Variants in SND1 observed in about 807,000 individuals in gnomAD.
The protein encoded by SND1 is staphylococcal nuclease and tudor domain containing 1, also known as staphylococcal nuclease domain-containing protein 1.
A neutral mutation model predicts 121.7 loss-of-function variants in SND1; 38 were observed. The ratio of observed to expected loss-of-function variants is 0.31; its 90% CI spans 0.24 to 0.41. The LOEUF (loss-of-function observed/expected upper bound fraction) is 0.41, where lower values mean the gene tolerates loss of function less well. Ranked by LOEUF, SND1 falls within the 10% of genes least tolerant of loss-of-function variation. The pLI is 1.00. For missense variants in SND1, 868 were observed against 1,184.6 expected (o/e 0.73, Z 3.92); for synonymous variants, 401 against 447.4 (o/e 0.90, Z 1.31).
chr7:127,776,328 GATAA>G, intron 10 of SND1, among the ~76,000 whole-genome samples: 1 of 152,224 alleles, frequency 6.6e-6, no homozygotes, highest in East Asian at 1.9e-4. Flanking sequence ...GCATTAAACA[GATAA>G]ATAAATGAGG....
intron 10 of SND1, among the ~76,000 whole-genome samples, chr7:127,784,596 T>G (rs1364890801): frequency 6.6e-6 from 1 of 152,190 alleles, no homozygotes; most frequent in African/African-American, 2.4e-5. Context: ...AGTAAATTCA[T>G]CCAAGTGCAT....
At chr7:127,774,905 G>C (rs1013722462) in intron 10 of SND1, among the ~76,000 whole-genome samples, 1 of 152,090 alleles carries the variant, frequency 6.6e-6, no homozygotes. Context: ...CATTTTTACT[G>C]TACCTTTTCT....
intron 16 of SND1, among the ~76,000 whole-genome samples, chr7:128,018,943 A>G (rs1803289018): frequency 6.6e-6 from 1 of 152,188 alleles, no homozygotes; most frequent in African/African-American, 2.4e-5. Flanking sequence ...TCTGTCCTGG[A>G]AATGACCAGT....
chr7:128,011,221 G>A (rs992086645), intron 16 of SND1, among the ~76,000 whole-genome samples: 1 of 152,110 alleles, frequency 6.6e-6, no homozygotes, highest in African/African-American at 2.4e-5. Flanking sequence ...ACAGAAGCAA[G>A]AAGAGCTAGA....
At chr7:127,818,978 C>T (rs1367783748) in intron 11 of SND1, among the ~76,000 whole-genome samples, 1 of 152,162 alleles carries the variant, frequency 6.6e-6, no homozygotes, top group African/African-American at 2.4e-5. Flanking sequence ...AATCTCTCAA[C>T]ATTTGAGTGA....
intron 11 of SND1, among the ~76,000 whole-genome samples, chr7:127,825,529 T>A (rs960413732): frequency 6.6e-6 from 1 of 151,944 alleles, no homozygotes; most frequent in Non-Finnish European, 1.5e-5. Context: ...TGCCTCAACC[T>A]CCCGAGTAGC....
intron 10 of SND1, among the ~76,000 whole-genome samples, chr7:127,733,352 G>GT (rs1051367247): frequency 3.3e-5 from 5 of 152,158 alleles, no homozygotes; most frequent in Non-Finnish European, 5.9e-5. Context: ...TAAGGAAGCA[G>GT]TTTTGACTCT....
At chr7:127,902,077 T>C (rs1800243615) in intron 13 of SND1, among the ~76,000 whole-genome samples, 1 of 152,342 alleles carries the variant, frequency 6.6e-6, no homozygotes, top group East Asian at 1.9e-4. Context: ...AGCTACTTTG[T>C]GGTCACAGAA....
chr7:127,863,524 T>G (rs1799415836), intron 12 of SND1, among the ~76,000 whole-genome samples: 1 of 152,262 alleles, frequency 6.6e-6, no homozygotes, highest in East Asian at 1.9e-4. Flanking sequence ...TGTGCTGCCT[T>G]AGTTACTTTG....
intron 13 of SND1, among the ~76,000 whole-genome samples, chr7:127,903,887 T>G (rs1354107165): frequency 6.6e-6 from 1 of 152,170 alleles, no homozygotes; most frequent in Non-Finnish European, 1.5e-5. Flanking sequence ...TAGACAAGAT[T>G]TGTGGGAACA....
chr7:127,807,564 T>C lies in SND1; in HGVS notation c.1233T>C (p.Ile411=). 1 of 1,613,222 alleles carries C rather than the reference T, an allele frequency of 6.2e-7. No homozygotes were observed. The highest frequency in any genetic ancestry group is 8.5e-7 in the Non-Finnish European group (1 of 1,179,202). Residue 411 remains isoleucine, a synonymous_variant, in exon 11 of 24, where the codon ATT becomes ATC. Transcript: ENST00000354725. ...GGGAATTTCTTCGAAAAAAGCTTAT[T>C]GGGAAGAAGGTAAGTAATTGATGAC... is the stretch of plus-strand genomic sequence containing the variant. The part of the protein sequence containing the change: ...EAREFLRKKL[I]GKKVNVTVDY...
At chr7:127,680,755 A>T (rs1289311288) in intron 1 of SND1, among the ~76,000 whole-genome samples, 1 of 150,286 alleles carries the variant, frequency 6.7e-6, no homozygotes, top group Non-Finnish European at 1.5e-5. Flanking sequence ...GAGGCGACAT[A>T]CATCCTCCTC....
At chr7:127,926,189 A>G (rs1800828727) in intron 14 of SND1, among the ~76,000 whole-genome samples, 1 of 152,168 alleles carries the variant, frequency 6.6e-6, no homozygotes, top group Non-Finnish European at 1.5e-5. Flanking sequence ...AACAAATATT[A>G]AAGATTTCAA....
intron 10 of SND1, among the ~76,000 whole-genome samples, chr7:127,767,631 GT>G (rs1190851428): frequency 6.6e-6 from 1 of 152,102 alleles, no homozygotes; most frequent in Non-Finnish European, 1.5e-5. Context: ...TAACTCTTAG[GT>G]TCTAATAATG....
intron 1 of SND1, among the ~76,000 whole-genome samples, chr7:127,673,134 A>T (rs1795553968): frequency 6.7e-6 from 1 of 148,250 alleles, no homozygotes; most frequent in South Asian, 2.1e-4. Flanking sequence ...TATATATTCT[A>T]TTATATATGA....
intron 10 of SND1, among the ~76,000 whole-genome samples, chr7:127,731,253 A>G (rs369813886): frequency 1.3e-5 from 2 of 152,258 alleles, no homozygotes; most frequent in African/African-American, 2.4e-5. Flanking sequence ...TGCTCTGCAC[A>G]GGAGAATTGG....
intron 10 of SND1, among the ~76,000 whole-genome samples, chr7:127,755,015 A>G (rs1219022927): frequency 6.6e-6 from 1 of 152,318 alleles, no homozygotes; most frequent in South Asian, 2.1e-4. Flanking sequence ...GCATGGCTCT[A>G]CTTAGTTCAG....
At chr7:127,904,335 G>T (rs976435663) in intron 13 of SND1, 1 of 154,718 alleles carries the variant, frequency 6.5e-6, no homozygotes, top group Non-Finnish European at 1.4e-5. Context: ...ATTAGAATTG[G>T]AACACTAGCC....
At chr7:127,918,603 G>C (rs1800636069) in intron 14 of SND1, among the ~76,000 whole-genome samples, 1 of 152,162 alleles carries the variant, frequency 6.6e-6, no homozygotes, top group South Asian at 2.1e-4. Context: ...TAACTATACA[G>C]TCAGGTCCTA....
Sources: allele counts gnomAD v4.1 joint callset (sites outside exome capture counted in the v4.1 genomes callset), GRCh38; gene constraint gnomAD v4.1.1; transcripts MANE v1.5; gene names NCBI Gene and HGNC (gene_info 2026-07-23, HGNC 2026-07-21).